WWOX: variants seen among roughly 807,000 people sequenced by gnomAD.
The protein encoded by WWOX is WW domain-containing oxidoreductase.
WWOX carries 69 observed loss-of-function variants against 46.2 expected under a neutral mutation model. The observed-to-expected ratio is 1.49, with a 90% CI of 1.23 to 1.82. WWOX has a LOEUF of 1.82. Ranked by LOEUF, WWOX falls within the 40% of genes most tolerant of loss-of-function variation. The pLI is 0.00. For missense variants in WWOX, 919 were observed against 542.6 expected, an observed-to-expected ratio of 1.69 and a Z score of -6.89; for synonymous variants, 359 against 202.6, an observed-to-expected ratio of 1.77 and a Z score of -6.56.
At chr16:79,046,807 C>G (rs544349465) in intron 8 of WWOX, among the ~76,000 whole-genome samples, 14 of 152,278 alleles carry the variant, frequency 9.2e-5, no homozygotes, top group African/African-American at 3.4e-4. Context: ...TCCCCCAGGC[C>G]TGCACTACAA....
At chr16:78,691,663 C>T (rs1374771662) in intron 8 of WWOX, among the ~76,000 whole-genome samples, 1 of 152,104 alleles carries the variant, frequency 6.6e-6, no homozygotes, top group Non-Finnish European at 1.5e-5. Flanking sequence ...AGCCGTGTTG[C>T]TGCCACTGTA....
At chr16:79,139,648 G>T (rs531108823) in intron 8 of WWOX, among the ~76,000 whole-genome samples, 8 of 151,458 alleles carry the variant, frequency 5.3e-5, no homozygotes, top group African/African-American at 1.7e-4. Flanking sequence ...AAAGCAGGCC[G>T]ATCTTGTTGA....
chr16:78,246,742 A>T lies in WWOX; in HGVS notation c.516+82453A>T, dbSNP rs569171184. On this transcript the variant is annotated intron_variant, in intron 5 of 8. Coordinates refer to ENST00000566780, the MANE Select transcript of WWOX (RefSeq NM_016373.4). ...AGCCAGTTCCCCCCGACCATCAGTC[A>T]TGAGTCCGTTCTTTTAACCTTGTTC... Among the ~76,000 whole-genome samples the T allele has an allele frequency of 2.6e-5, 4 of 152,308 alleles. No individual in the cohort carries two copies. In the South Asian group the frequency reaches 8.3e-4, roughly 32 times the overall value.
chr16:78,960,575 G>T (rs1469378982), intron 8 of WWOX, among the ~76,000 whole-genome samples: 5 of 152,190 alleles, frequency 3.3e-5, no homozygotes, highest in Non-Finnish European at 4.4e-5. Flanking sequence ...ATTGAGTTAT[G>T]ACTGTCAGGC....
intron 8 of WWOX, among the ~76,000 whole-genome samples, chr16:78,975,286 T>C (rs2046548849): frequency 6.6e-6 from 1 of 152,158 alleles, no homozygotes; most frequent in African/African-American, 2.4e-5. Flanking sequence ...CATTTTTGAT[T>C]GTCATAACTT....
intron 8 of WWOX, among the ~76,000 whole-genome samples, chr16:78,955,386 G>A (rs1044411139): frequency 6.6e-6 from 1 of 152,182 alleles, no homozygotes; most frequent in Admixed American, 6.5e-5. Flanking sequence ...ACTCAGGTCA[G>A]ACTTGAGGCA....
intron 8 of WWOX, among the ~76,000 whole-genome samples, chr16:78,568,540 A>G (rs1213975245): frequency 1.4e-5 from 2 of 140,324 alleles, no homozygotes; most frequent in African/African-American, 5.5e-5. Flanking sequence ...CAGTGGCCCG[A>G]TCCTGGGTCA....
chr16:79,038,044 C>T (rs1047357099), intron 8 of WWOX, among the ~76,000 whole-genome samples: 1 of 152,148 alleles, frequency 6.6e-6, no homozygotes, highest in Non-Finnish European at 1.5e-5. Context: ...TGTACAGATT[C>T]CTCTTTAGCA....
At chr16:79,009,994 A>T (rs1007553886) in intron 8 of WWOX, among the ~76,000 whole-genome samples, 2 of 152,156 alleles carry the variant, frequency 1.3e-5, no homozygotes, top group African/African-American at 2.4e-5. Flanking sequence ...GTATCCTAGG[A>T]CTTCAGAAGC....
intron 8 of WWOX, among the ~76,000 whole-genome samples, chr16:78,759,044 C>T (rs1190128220): frequency 6.6e-6 from 1 of 151,706 alleles, no homozygotes; most frequent in Non-Finnish European, 1.5e-5. Flanking sequence ...ACTTCCCTTT[C>T]TATTTTTGTG....
chr16:78,844,233 GC>G (rs2151172284), intron 8 of WWOX, among the ~76,000 whole-genome samples: 1 of 152,184 alleles, frequency 6.6e-6, no homozygotes, highest in East Asian at 1.9e-4. Context: ...GCTATTCTTA[GC>G]CCAAGAGAGG....
At chr16:79,133,753 C>G (rs78452586) in intron 8 of WWOX, among the ~76,000 whole-genome samples, 2,488 of 152,228 alleles carry the variant, frequency 0.016, 75 homozygotes, top group African/African-American at 0.056. Context: ...CTAATGGTGG[C>G]TGGTCAAACG....
chr16:78,498,928 A>G (rs1428021556), intron 8 of WWOX, among the ~76,000 whole-genome samples: 1 of 152,108 alleles, frequency 6.6e-6, no homozygotes, highest in African/African-American at 2.4e-5. Context: ...TGGCATTGAG[A>G]GATAAGCACA....
intron 8 of WWOX, among the ~76,000 whole-genome samples, chr16:78,573,016 G>C (rs1243645182): frequency 2.0e-5 from 3 of 152,110 alleles, no homozygotes; most frequent in Admixed American, 2.0e-4. Context: ...AGCCGGGCAC[G>C]GTGGCTCACG....
In WWOX at chr16:78,841,377, G is replaced by T. The variant is rs541972322; in HGVS notation, c.1057-370231G>T. Among the ~76,000 whole-genome samples the T allele has an allele frequency of 3.3e-5, 5 of 152,292 alleles. No individual in the cohort carries two copies. In the East Asian group the frequency reaches 9.7e-4, roughly 29 times the overall value. On this transcript the variant is annotated intron_variant, in intron 8 of 8. Transcript: ENST00000566780. The stretch of plus-strand genomic sequence containing the variant: ...TGGGTGCTAGACATGCCCTTAGCGA[G>T]CAGCTCATGAGAGCAGATTTTGCCT...
chr16:78,619,932 A>G (rs72805018), intron 8 of WWOX, among the ~76,000 whole-genome samples: 2 of 152,062 alleles, frequency 1.3e-5, no homozygotes, highest in Non-Finnish European at 2.9e-5. Context: ...ATAAAAATAA[A>G]AGTAACAGAA....
chr16:78,344,821 C>G (rs1049395475), intron 5 of WWOX, among the ~76,000 whole-genome samples: 1 of 121,476 alleles, frequency 8.2e-6, no homozygotes, highest in African/African-American at 2.8e-5. Context: ...GTGCATCAAG[C>G]TCTTGTTAAT....
chr16:78,532,855 A>C (rs986219168), intron 8 of WWOX, among the ~76,000 whole-genome samples: 3 of 152,206 alleles, frequency 2.0e-5, no homozygotes, highest in Non-Finnish European at 4.4e-5. Flanking sequence ...TGGGAATTCA[A>C]GAAGAGATTT....
At chr16:78,851,164 T>G (rs1032906990) in intron 8 of WWOX, among the ~76,000 whole-genome samples, 2 of 152,194 alleles carry the variant, frequency 1.3e-5, no homozygotes, top group South Asian at 4.1e-4. Flanking sequence ...ACTTGCTCAT[T>G]CAGAAATTAG....
Sources: gnomAD v4.1 joint callset for allele counts (sites outside exome capture counted in the v4.1 genomes callset) on GRCh38, gnomAD v4.1.1 for gene constraint, MANE v1.5 for transcripts, NCBI Gene and HGNC (gene_info 2026-07-23, HGNC 2026-07-21) for gene names.